The following TLE6 variants were observed in gnomAD, a reference collection of about 807,000 sequenced individuals.
TLE6 encodes TLE family member 6, subcortical maternal complex member, also known as transducin-like enhancer protein 6.
TLE6 carries 72 observed loss-of-function variants against 77.1 expected under a neutral mutation model. The ratio of observed to expected loss-of-function variants is 0.93; its 90% CI spans 0.77 to 1.14. TLE6 has a LOEUF of 1.14. Among genes scored for constraint, TLE6 ranks in the 50% most tolerant of loss-of-function variants. TLE6 has a pLI of 0.00. For missense variants in TLE6, 843 were observed against 747.6 expected (o/e 1.13, Z -1.49); for synonymous variants, 366 against 287.3 (o/e 1.27, Z -2.77).
At chr19:2,987,689 G>C in intron 8 of TLE6, 35 bp from the exon 9 acceptor site, 8 of 1,612,350 alleles carry the variant, frequency 5.0e-6, no homozygotes, top group Non-Finnish European at 6.8e-6. Context: ...TAACAGGCAG[G>C]TCAGCAGGCC....
intron 3 of TLE6, chr19:2,980,386 A>C: frequency 5.0e-6 from 2 of 402,732 alleles, no homozygotes; most frequent in Non-Finnish European, 9.1e-6. Context: ...ACAAATATTA[A>C]AATTTTGATT....
chr19:2,986,802 A>T (rs749418703), intron 5 of TLE6, 27 bp from the exon 6 acceptor site: 44 of 1,550,596 alleles, frequency 2.8e-5, no homozygotes. Context: ...ACAACATTTA[A>T]CTGTTTTGCT....
chr19:2,989,874 C>A, intron 13 of TLE6, 89 bp downstream of exon 13: 1 of 1,541,722 alleles, frequency 6.5e-7, no homozygotes, highest in Non-Finnish European at 8.8e-7. Context: ...CTCTGCCCGC[C>A]TTCCTGCCAC....
Position 2,992,113 on chromosome 19 carries a change from A to G in TLE6, c.1386+129A>G, listed in dbSNP as rs13345150. On this transcript the variant is annotated intron_variant, in intron 14 of 16. Coordinates refer to ENST00000246112, the MANE Select transcript of TLE6 (RefSeq NM_001143986.2). ...CACTTTGGGAGGCCAAGGTGGGTGG[A>G]TCACCTGAGGTCAGGAGTTTGAGAC... 99,625 of 1,079,812 alleles carry G rather than the reference A, an allele frequency of 0.092. 12,601 individuals carry two copies. The highest frequency in any genetic ancestry group is 0.56 in the African/African-American group (35,731 of 63,244). 66.9% of individuals were successfully genotyped at this position (1,079,812 alleles called of 1,614,324 possible).
chr19:2,990,393 G>C (rs956831644), intron 13 of TLE6, among the ~76,000 whole-genome samples: 2 of 151,184 alleles, frequency 1.3e-5, no homozygotes, highest in African/African-American at 4.8e-5. Context: ...CACGAGGTCA[G>C]GAGATCAAGA....
intron 2 of TLE6, among the ~76,000 whole-genome samples, chr19:2,979,837 G>A (rs1226364518): frequency 1.3e-5 from 2 of 151,314 alleles, no homozygotes; most frequent in East Asian, 4.0e-4. Context: ...GGGCGCGGGC[G>A]CATGTAATCC....
At chr19:2,978,162 T>A in intron 1 of TLE6, 36 bp from the exon 2 acceptor site, 1 of 1,494,942 alleles carries the variant, frequency 6.7e-7, no homozygotes, top group Non-Finnish European at 9.1e-7. Flanking sequence ...CCTTATTTTC[T>A]GTCCCTCAAG....
chr19:2,982,082 G>A, intron 4 of TLE6, 66 bp from the exon 5 acceptor site: 2 of 1,525,272 alleles, frequency 1.3e-6, no homozygotes, highest in Admixed American at 2.0e-5. Context: ...AGAGCAGCTT[G>A]CCCAGGGTCA....
In TLE6 at chr19:2,981,685, T is replaced by C. The variant is rs2088800753; in HGVS notation, c.180+102T>C. The C allele has an allele frequency of 3.1e-6, 4 of 1,288,124 alleles. No individual in the cohort carries two copies. The East Asian group carries it at 1.0e-4, about 33-fold the overall frequency. The allele number at this position is 1,288,124 out of a possible 1,614,324, so 79.8% of individuals were successfully genotyped here. On this transcript the variant is annotated intron_variant, in intron 4 of 16. Coordinates refer to ENST00000246112, the MANE Select transcript of TLE6 (RefSeq NM_001143986.2). ...CTCCTGAGTGCCCTAGAGAGGTTCT[T>C]TTCCGCCAAGCACTGTGCCTCACGC...
intron 14 of TLE6, among the ~76,000 whole-genome samples, chr19:2,992,247 C>A (rs112847988): frequency 0.062 from 9,491 of 152,002 alleles, 345 homozygotes; most frequent in African/African-American, 0.093. Context: ...CCGAGGAGGG[C>A]AAATCACCTG....
chr19:2,978,577 C>T (rs993262791), intron 2 of TLE6, among the ~76,000 whole-genome samples: 1 of 152,090 alleles, frequency 6.6e-6, no homozygotes, highest in Non-Finnish European at 1.5e-5. Context: ...TAGTGAGACC[C>T]TGTCTCTGTA....
At chr19:2,979,911 C>T (rs7248101) in intron 2 of TLE6, among the ~76,000 whole-genome samples, 189 bp from the exon 3 acceptor site, 9,534 of 144,980 alleles carry the variant, frequency 0.066, 901 homozygotes, top group African/African-American at 0.21. Flanking sequence ...TTGCAGTGAG[C>T]TGAGATTGTG....
chr19:2,978,984 C>T (rs1020033320), intron 2 of TLE6, among the ~76,000 whole-genome samples: 1 of 152,124 alleles, frequency 6.6e-6, no homozygotes, highest in African/African-American at 2.4e-5. Context: ...GACGGAGTCT[C>T]ACACTCACCT....
At chr19:2,992,014 C>G (rs759621955) in intron 14 of TLE6, 30 bp downstream of exon 14, 2 of 1,608,638 alleles carry the variant, frequency 1.2e-6, no homozygotes, top group African/African-American at 2.7e-5. Context: ...GTCTGCTTGG[C>G]CAGGCATCCT....
rs1345273002 is a variant in TLE6, at chr19:2,992,800, GA to G, written c.1387-631del. ...GTCTCAAAAAAAAAAAAAAGGGGGG[GA>G]GGCGGGTGGGGGGGGGGGAGGATGA... is the stretch of plus-strand genomic sequence containing the variant. On this transcript the variant is annotated intron_variant, in intron 14 of 16. Coordinates refer to ENST00000246112, the MANE Select transcript of TLE6 (RefSeq NM_001143986.2). Among the ~76,000 whole-genome samples, 139 of 51,736 alleles carry G rather than the reference GA, an allele frequency of 2.7e-3. 2 individuals carry two copies. The highest frequency in any genetic ancestry group is 1.0e-2 in the East Asian group (15 of 1,504). 33.9% of individuals were successfully genotyped at this position (51,736 alleles called of 152,430 possible).
Position 2,980,103 on chromosome 19 carries a change from T to TGTC in TLE6, c.56_58dup (p.Cys19_Pro20insArg), listed in dbSNP as rs1312113526. On this transcript the variant is annotated inframe_insertion, in exon 3 of 17. Coordinates refer to ENST00000246112, the MANE Select transcript of TLE6 (RefSeq NM_001143986.2). ...AACCTTGCTTTGACCTTTCCAGCCT[T>TGTC]GTCCTGGGATCTCGAACTCTGAGAG... 9.7e-6 allele frequency: 15 copies of TGTC among 1,550,282 alleles called. No individual in the cohort carries two copies. Among genetic ancestry groups the TGTC allele is most frequent in the Non-Finnish European group, 1.2e-5 (14 of 1,146,116 alleles).
intron 13 of TLE6, among the ~76,000 whole-genome samples, chr19:2,990,652 A>AATACATAAATAT (rs746814668): frequency 0.045 from 3,521 of 78,304 alleles, 85 homozygotes; most frequent in African/African-American, 0.18. Context: ...TATATATATA[A>AATACATAAATAT]ATACATAAAT....
rs10445609 is a variant in TLE6 at position 2,982,049 on chromosome 19, G to A, written c.181-99G>A. On this transcript the variant is annotated intron_variant, in intron 4 of 16. Transcript: ENST00000246112. Reference sequence around the variant, plus strand: ...CAAGGTGAAAACAAAAATTTAAGGTGGGGGAGTAGGGGCCAGAGAGGTAGA... The same window carrying A: ...CAAGGTGAAAACAAAAATTTAAGGTAGGGGAGTAGGGGCCAGAGAGGTAGA... 3.2e-6 allele frequency: 4 copies of A among 1,241,488 alleles called. No individual in the cohort carries two copies. The African/African-American group carries it at 4.5e-5, about 14-fold the overall frequency. The allele number at this position is 1,241,488 out of a possible 1,614,324, so 76.9% of individuals were successfully genotyped here.
At position 2,987,734 on chromosome 19, in the gene TLE6, G is replaced by A. The variant is rs1826300569; in HGVS notation, c.569G>A (p.Ser190Asn). The change falls in exon 9 of 17, where the codon AGC becomes AAC. Residue 190 changes from serine to asparagine, a missense_variant. By Grantham distance (46) the Ser-to-Asn change is conservative. Coordinates refer to ENST00000246112, the MANE Select transcript of TLE6 (RefSeq NM_001143986.2). ...RQQAPGLGQESKAPGSCDPGT... is the reference protein window; with the variant it reads ...RQQAPGLGQENKAPGSCDPGT... Reference sequence around the variant, plus strand: ...TTTTCCATTTTCCAGGGGCAGGAAAGCAAGGCACCAGGATCCTGTGACCCA... The same window carrying A: ...TTTTCCATTTTCCAGGGGCAGGAAAACAAGGCACCAGGATCCTGTGACCCA... 3 of 1,614,148 alleles carry A rather than the reference G, an allele frequency of 1.9e-6. No homozygotes were observed. The highest frequency in any genetic ancestry group is 2.5e-6 in the Non-Finnish European group (3 of 1,180,028).
Sources: allele counts gnomAD v4.1 joint callset (sites outside exome capture counted in the v4.1 genomes callset), GRCh38; gene constraint gnomAD v4.1.1; transcripts MANE v1.5; gene names NCBI Gene and HGNC (gene_info 2026-07-23, HGNC 2026-07-21).